CRHR1: variants seen among roughly 807,000 people sequenced by gnomAD.
CRHR1 encodes the protein corticotropin releasing hormone receptor 1, also known as corticotropin-releasing hormone receptor 1.
CRHR1 carries 28 observed loss-of-function variants against 56.0 expected under a neutral mutation model. The observed-to-expected ratio is 0.50, with a 90% CI of 0.37 to 0.69. CRHR1 has a LOEUF of 0.69. CRHR1 is among the 30% of genes least tolerant of loss of function. The pLI is 0.00. For missense variants in CRHR1, 376 were observed against 548.0 expected (o/e 0.69, Z 3.13); for synonymous variants, 195 against 216.5 (o/e 0.90, Z 0.87).
chr17:45,833,925 CCAGG>C, intron 11 of CRHR1, 76 bp downstream of exon 11: 1 of 1,612,566 alleles, frequency 6.2e-7, no homozygotes, highest in Non-Finnish European at 8.5e-7. Context: ...GGGCAGGAGG[CCAGG>C]GAGAAGCAAG....
chr17:45,832,563 TTGTC>T (rs1323500498), intron 8 of CRHR1, among the ~76,000 whole-genome samples: 2 of 152,202 alleles, frequency 1.3e-5, no homozygotes, highest in Non-Finnish European at 2.9e-5. Context: ...GGCTTCCAGT[TTGTC>T]TGGTCCCCAC....
At chr17:45,829,804 C>G (rs2062252970) in intron 5 of CRHR1, among the ~76,000 whole-genome samples, 1 of 152,082 alleles carries the variant, frequency 6.6e-6, no homozygotes, top group East Asian at 1.9e-4. Flanking sequence ...AAGGCACCCC[C>G]AGGGGAAGCG....
chr17:45,792,520 C>T (rs1408856132), intron 1 of CRHR1, among the ~76,000 whole-genome samples: 1 of 152,202 alleles, frequency 6.6e-6, no homozygotes. Flanking sequence ...CCCCTGCCAA[C>T]CCCTACCCAG....
At chr17:45,786,860 C>T (rs929315338) in intron 1 of CRHR1, among the ~76,000 whole-genome samples, 5 of 151,958 alleles carry the variant, frequency 3.3e-5, no homozygotes, top group African/African-American at 4.8e-5. Context: ...TGGCTGGTCT[C>T]AAACTCCTGG....
chr17:45,810,188 G>A (rs1764426711), intron 2 of CRHR1, among the ~76,000 whole-genome samples: 1 of 152,152 alleles, frequency 6.6e-6, no homozygotes, highest in Non-Finnish European at 1.5e-5. Flanking sequence ...AGGAGGCTGA[G>A]GCATGAGAAT....
chr17:45,792,277 C>T (rs1261347788), intron 1 of CRHR1, among the ~76,000 whole-genome samples: 1 of 152,214 alleles, frequency 6.6e-6, no homozygotes, highest in Non-Finnish European at 1.5e-5. Context: ...TCCCCTTCCT[C>T]TTTCTGCCAA....
chr17:45,793,052 CGTCT>C (rs938299798), intron 1 of CRHR1, among the ~76,000 whole-genome samples: 11 of 152,234 alleles, frequency 7.2e-5, no homozygotes, highest in African/African-American at 2.2e-4. Context: ...CCCCAATGAA[CGTCT>C]GTCTGAGTGT....
chr17:45,832,604 G>T (rs575150058), intron 8 of CRHR1, among the ~76,000 whole-genome samples: 1 of 152,366 alleles, frequency 6.6e-6, no homozygotes, highest in African/African-American at 2.4e-5. Context: ...CCTGGAGCTT[G>T]CTGGAGGGAC....
chr17:45,806,299 G>A (rs529525575), intron 1 of CRHR1, among the ~76,000 whole-genome samples: 2 of 152,328 alleles, frequency 1.3e-5, no homozygotes, highest in African/African-American at 4.8e-5. Flanking sequence ...GGAGGTTAAA[G>A]GGCAAAGGTC....
Position 45,784,722 on chromosome 17 carries a change from TAA to T in CRHR1, c.33+146_33+147del. ...GGGAAGGCTGGGCTCCGGGGCAGCC[TAA>T]CTCTCTGGACCTTTGGAGCCAGGGT... On this transcript the variant is annotated intron_variant, in intron 1 of 12. Transcript: ENST00000314537. The surrounding 1 kb of genome is among the most constrained non-coding windows in gnomAD (Gnocchi z 4.2). The T allele has an allele frequency of 1.2e-6, 1 of 852,864 alleles. No homozygotes were observed. The highest frequency in any genetic ancestry group is 1.7e-6 in the Non-Finnish European group (1 of 603,130). 52.8% of individuals were successfully genotyped at this position (852,864 alleles called of 1,614,324 possible). A position where few individuals can be genotyped will look rare whatever the true frequency, so the allele number is the denominator to read the frequency against.
chr17:45,819,222 A>G (rs1365402089), intron 3 of CRHR1, among the ~76,000 whole-genome samples: 1 of 152,252 alleles, frequency 6.6e-6, no homozygotes, highest in African/African-American at 2.4e-5. Flanking sequence ...TACAGTTCCA[A>G]GCACCTTGTG....
intron 2 of CRHR1, among the ~76,000 whole-genome samples, chr17:45,807,886 T>A (rs1264513630): frequency 6.6e-6 from 1 of 152,192 alleles, no homozygotes; most frequent in Non-Finnish European, 1.5e-5. Context: ...CATGGCACCA[T>A]GCAGCCAGTA....
chr17:45,802,336 A>C (rs1259771229), intron 1 of CRHR1, among the ~76,000 whole-genome samples: 1 of 152,150 alleles, frequency 6.6e-6, no homozygotes, highest in Non-Finnish European at 1.5e-5. Context: ...AAACAAACAA[A>C]CAAAAAAATT....
At chr17:45,832,861 G>A (rs760505055) in intron 8 of CRHR1, among the ~76,000 whole-genome samples, 13 of 152,252 alleles carry the variant, frequency 8.5e-5, no homozygotes, top group Non-Finnish European at 1.5e-4. Context: ...GCCCATGCCC[G>A]TTCCCAGCCA....
Position 45,817,163 on chromosome 17 carries a change from T to C in CRHR1, c.241+581T>C, listed in dbSNP as rs1055873116. ...GGGTCCGTCGGATACTTGATCCTCA[T>C]GTAAACACCTGGCTCCCCGGAGGCC... On this transcript the variant is annotated intron_variant, in intron 3 of 12. Transcript: ENST00000314537. Among the ~76,000 whole-genome samples, 5 of 152,298 alleles carry C rather than the reference T, an allele frequency of 3.3e-5. No individual in the cohort carries two copies. In the South Asian group the frequency reaches 6.2e-4, roughly 19 times the overall value.
intron 4 of CRHR1, chr17:45,826,463 C>T (rs1334270448): frequency 1.3e-5 from 2 of 152,394 alleles, no homozygotes; most frequent in South Asian, 2.1e-4. Flanking sequence ...CGATGAGAGA[C>T]AGGGCTTGAA....
chr17:45,832,949 G>A lies in CRHR1; in HGVS notation c.771-189G>A, dbSNP rs73313133. On this transcript the variant is annotated intron_variant, in intron 8 of 12. Transcript: ENST00000314537. ...CATCTCATCACAGAGGATGCTGTCC[G>A]TTCTGCAGATGGGACAATTGAGGCA... Among the ~76,000 whole-genome samples, 775 of 152,364 alleles carry A rather than the reference G, an allele frequency of 5.1e-3. 5 individuals carry two copies. Among genetic ancestry groups the A allele is most frequent in the African/African-American group, 0.018 (730 of 41,586 alleles).
At position 45,833,853 on chromosome 17, in the gene CRHR1, C is replaced by T; in HGVS notation, c.1065+4C>T. ...CTCCTTCCTGGAATCCTTCCAGGTA[C>T]AGCCCTGGAGGGACACATCAGCACC... On this transcript the variant is annotated splice_donor_region_variant and intron_variant, in intron 11 of 12. Coordinates refer to ENST00000314537, the MANE Select transcript of CRHR1 (RefSeq NM_004382.5). 6.2e-7 allele frequency: 1 copy of T among 1,613,300 alleles called. No individual in the cohort carries two copies. Among genetic ancestry groups the T allele is most frequent in the Non-Finnish European group, 8.5e-7 (1 of 1,179,980 alleles).
rs917928635 is a variant in CRHR1 at position 45,784,434 on chromosome 17, G to A, written c.-111G>A. On this transcript the variant is annotated 5_prime_UTR_variant, in exon 1 of 13. Coordinates refer to ENST00000314537, the MANE Select transcript of CRHR1 (RefSeq NM_004382.5). This position sits in a 1 kb window ranked among gnomAD's most constrained non-coding sequence, Gnocchi z 4.2. ...GGCATCTCCTCACCAGGCAGCGACCGAGGAGCCCGGCCGCCCACCCCGTGC... is the reference window on the plus strand; with the variant it reads ...GGCATCTCCTCACCAGGCAGCGACCAAGGAGCCCGGCCGCCCACCCCGTGC... 2.7e-5 allele frequency: 30 copies of A among 1,092,676 alleles called. No individual in the cohort carries two copies. The highest frequency in any genetic ancestry group is 3.6e-5 in the Non-Finnish European group (29 of 800,342). The allele number at this position is 1,092,676 out of a possible 1,614,324, so 67.7% of individuals were successfully genotyped here. A position where few individuals can be genotyped will look rare whatever the true frequency, so the allele number is the denominator to read the frequency against.
Sources: gnomAD v4.1 joint callset for allele counts (sites outside exome capture counted in the v4.1 genomes callset) on GRCh38, gnomAD v4.1.1 for gene constraint, Gnocchi (gnomAD v3.1) non-coding constraint, MANE v1.5 for transcripts, NCBI Gene and HGNC (gene_info 2026-07-23, HGNC 2026-07-21) for gene names.